MYL12A: variants seen among roughly 807,000 people sequenced by gnomAD.
MYL12A encodes myosin regulatory light chain 12A.
In MYL12A, 11 loss-of-function variants were observed where a neutral mutation model predicts 13.3. The observed-to-expected ratio is 0.83, with a 90% confidence interval of 0.52 to 1.37. The LOEUF is 1.37. Ranked by LOEUF, MYL12A falls within the 40% of genes most tolerant of loss-of-function variation. The pLI is 0.00. For synonymous variants in MYL12A, 51 were observed against 69.9 expected (o/e 0.73, Z 1.35); for missense variants, 146 against 212.3 (o/e 0.69, Z 1.94).
upstream of MYL12A, chr18:3,247,663 T>C (rs1488015866): frequency 6.6e-6 from 1 of 152,278 alleles, no homozygotes; most frequent in Non-Finnish European, 1.5e-5. Flanking sequence ...GGTCGCCCAC[T>C]TTACACTTCC....
At chr18:3,250,492 C>T (rs753743621) in intron 1 of MYL12A, among the ~76,000 whole-genome samples, 1 of 152,158 alleles carries the variant, frequency 6.6e-6, no homozygotes, top group African/African-American at 2.4e-5. Flanking sequence ...AGGGAAAAAA[C>T]CCCACAGTTT....
At chr18:3,252,508 G>A (rs150111193) in intron 1 of MYL12A, 127 of 1,229,886 alleles carry the variant, frequency 1.0e-4, no homozygotes, top group African/African-American at 8.6e-4. Context: ...TAGTTTCTAC[G>A]TTTAAGATGT....
Position 3,253,903 on chromosome 18 carries a change from G to A in MYL12A, c.196G>A (p.Asp66Asn). ...MLASLGKNPT[D>N]EYLDAMMNEA... ...TAAAAATTTAGGGAAGAATCCAACT[G>A]ATGAGTATCTAGATGCCATGATGAA... is the stretch of plus-strand genomic sequence containing the variant. Residue 66 changes from aspartate (D) to asparagine (N), a missense_variant, in exon 3 of 4, where the codon GAT becomes AAT. Physicochemically the swap from Asp to Asn is conservative, Grantham distance 23 (BLOSUM62 1). Coordinates refer to ENST00000217652, the MANE Select transcript of MYL12A (RefSeq NM_006471.4). 1 of 1,604,198 alleles carries A rather than the reference G, an allele frequency of 6.2e-7. No homozygotes were observed. Among genetic ancestry groups the A allele is most frequent in the Non-Finnish European group, 8.5e-7 (1 of 1,177,770 alleles).
At chr18:3,254,157 C>T in intron 3 of MYL12A, 107 bp downstream of exon 3, 1 of 1,283,734 alleles carries the variant, frequency 7.8e-7, no homozygotes, top group Middle Eastern at 2.7e-4. Context: ...TTGTACTACA[C>T]CTATTTTTTT....
At chr18:3,249,492 C>G (rs991238921) in intron 1 of MYL12A, 2 of 152,258 alleles carry the variant, frequency 1.3e-5, no homozygotes, top group Non-Finnish European at 2.9e-5. Flanking sequence ...TGCCCTTCAT[C>G]CACTTTCTCA....
chr18:3,251,819 A>G (rs1009544733), intron 1 of MYL12A, among the ~76,000 whole-genome samples: 2 of 152,214 alleles, frequency 1.3e-5, no homozygotes, highest in Non-Finnish European at 2.9e-5. Flanking sequence ...TGTGCTATGT[A>G]GGATATATCT....
chr18:3,247,948 C>T (rs1387703534), intron 1 of MYL12A, 39 bp downstream of exon 1: 3 of 151,876 alleles, frequency 2.0e-5, no homozygotes, highest in East Asian at 1.9e-4. Context: ...AGACCCATCC[C>T]GGGGACCCGT....
Position 3,255,852 on chromosome 18 carries a change from G to A in MYL12A, c.450G>A (p.Lys150=). The A allele has an allele frequency of 6.2e-7, 1 of 1,614,098 alleles. No homozygotes were observed. The highest frequency in any genetic ancestry group is 8.5e-7 in the Non-Finnish European group (1 of 1,179,990). ...ACAGAGAAGCACCTATTGATAAAAA[G>A]GGGAATTTCAATTACATCGAGTTCA... ...ELYREAPIDK[K]GNFNYIEFTR... is the part of the protein sequence containing the mutation. The change falls in exon 4 of 4, where the codon AAG becomes AAA. Residue 150 remains lysine, a synonymous_variant. Transcript: ENST00000217652.
chr18:3,249,106 T>C (rs1228439374), intron 1 of MYL12A, among the ~76,000 whole-genome samples: 1 of 152,214 alleles, frequency 6.6e-6, no homozygotes, highest in African/African-American at 2.4e-5. Flanking sequence ...GTAGAAGAAG[T>C]TTCTAGGTTA....
chr18:3,253,957 A>G lies in MYL12A; in HGVS notation c.250A>G (p.Met84Val), dbSNP rs754593100. Residue 84 changes from methionine (M) to valine (V), a missense_variant, in exon 3 of 4, where the codon ATG becomes GTG. Coordinates refer to ENST00000217652, the MANE Select transcript of MYL12A (RefSeq NM_006471.4). ...GGCTCCAGGCCCCATCAATTTCACC[A>G]TGTTCCTCACCATGTTTGGTGAGAA... Reference protein sequence around the residue: ...NEAPGPINFTMFLTMFGEKLN... With the variant: ...NEAPGPINFTVFLTMFGEKLN... 4 of 1,613,912 alleles carry G rather than the reference A, an allele frequency of 2.5e-6. No individual in the cohort carries two copies. Among genetic ancestry groups the G allele is most frequent in the Non-Finnish European group, 2.5e-6 (3 of 1,179,882 alleles).
At chr18:3,253,640 A>G in intron 2 of MYL12A, 1 of 681,928 alleles carries the variant, frequency 1.5e-6, no homozygotes, top group Admixed American at 3.1e-5. Context: ...GTGTGTGTAT[A>G]AAAACACTGA....
chr18:3,253,088 T>G (rs2081502492), intron 1 of MYL12A, 145 bp from the exon 2 acceptor site: 1 of 795,826 alleles, frequency 1.3e-6, no homozygotes, highest in Non-Finnish European at 2.0e-6. Context: ...CTTGTTGAGA[T>G]GTGTCTTCTA....
intron 1 of MYL12A, chr18:3,252,569 T>C (rs1319059424): frequency 1.1e-6 from 1 of 882,504 alleles, no homozygotes. Flanking sequence ...GATTTCTGTT[T>C]AGAGATCTTA....
chr18:3,249,123 AT>A (rs1309774671), intron 1 of MYL12A, among the ~76,000 whole-genome samples: 2 of 152,252 alleles, frequency 1.3e-5, no homozygotes, highest in Admixed American at 6.5e-5. Context: ...GTTATTTTAC[AT>A]TTATTGCCAC....
Position 3,247,871 on chromosome 18 carries a change from G to C in MYL12A, c.-54G>C. On this transcript the variant is annotated 5_prime_UTR_variant, in exon 1 of 4. Transcript: ENST00000217652. ...AGGGTGGTGTGATAGCGGCAGCGAGGGGCTCGGAGAGGTGCTCGGATTCTC... is the reference window on the plus strand; with the variant it reads ...AGGGTGGTGTGATAGCGGCAGCGAGCGGCTCGGAGAGGTGCTCGGATTCTC... The C allele has an allele frequency of 6.6e-6, 1 of 151,994 alleles. No homozygotes were observed. Among genetic ancestry groups the C allele is most frequent in the East Asian group, 1.9e-4 (1 of 5,184 alleles). The allele number at this position is 151,994 out of a possible 1,614,324, so 9.4% of individuals were successfully genotyped here. A position where few individuals can be genotyped will look rare whatever the true frequency, so the allele number is the denominator to read the frequency against.
At position 3,253,417 on chromosome 18, in the gene MYL12A, T is replaced by A; in HGVS notation, c.170T>A (p.Leu57His). The A allele has an allele frequency of 6.2e-7, 1 of 1,613,514 alleles. No homozygotes were observed. The highest frequency in any genetic ancestry group is 8.5e-7 in the Non-Finnish European group (1 of 1,179,620). ...FIDKEDLHDM[L>H]ASLGKNPTDE... The stretch of plus-strand genomic sequence containing the variant: ...GACAAGGAAGATTTGCATGATATGC[T>A]TGCTTCATTGGGTAATGCTCAGTTT... Residue 57 changes from leucine to histidine, a missense_variant, in exon 2 of 4, where the codon CTT becomes CAT. Transcript: ENST00000217652.
chr18:3,255,597 C>T (rs1318551660), intron 3 of MYL12A, 149 bp from the exon 4 acceptor site: 8 of 961,280 alleles, frequency 8.3e-6, no homozygotes, highest in Non-Finnish European at 8.8e-6. Context: ...TCTGCTGAGG[C>T]TGTTTTAAGT....
intron 1 of MYL12A, among the ~76,000 whole-genome samples, chr18:3,251,001 T>G (rs1366219988): frequency 6.6e-6 from 1 of 151,250 alleles, no homozygotes; most frequent in African/African-American, 2.4e-5. Flanking sequence ...TTACATTTCT[T>G]AACTCTTAGC....
chr18:3,253,778 C>A, intron 2 of MYL12A, 111 bp from the exon 3 acceptor site: 1 of 1,219,800 alleles, frequency 8.2e-7, no homozygotes, highest in Non-Finnish European at 1.1e-6. Context: ...CTCATGAGTG[C>A]AAACAGTAAA....
Sources: gnomAD v4.1 joint callset for allele counts (sites outside exome capture counted in the v4.1 genomes callset) on GRCh38, gnomAD v4.1.1 for gene constraint, MANE v1.5 for transcripts, NCBI Gene and HGNC (gene_info 2026-07-23, HGNC 2026-07-21) for gene names.